Variants in DIAPH2 observed in about 807,000 individuals in gnomAD.
DIAPH2 encodes diaphanous related formin 2.
In DIAPH2, 35 loss-of-function variants were observed where a neutral mutation model predicts 92.7. That is an observed-to-expected ratio of 0.38 (90% CI 0.29 to 0.50). DIAPH2 has a LOEUF of 0.50. Ranked by LOEUF, DIAPH2 falls within the 20% of genes least tolerant of loss-of-function variation. The probability of loss-of-function intolerance (pLI) is 0.94; values close to 1 mark genes in which losing one functional copy is unlikely to be tolerated. For synonymous variants in DIAPH2, 301 were observed against 280.4 expected (o/e 1.07, Z -0.73); for missense variants, 701 against 819.5 (o/e 0.86, Z 1.77).
intron 17 of DIAPH2, among the ~76,000 whole-genome samples, chrX:97,014,508 T>C (rs1038358299): frequency 2.8e-4 from 31 of 112,339 alleles, no homozygotes; most frequent in African/African-American, 9.7e-4. Flanking sequence ...TTTATCTGTT[T>C]TTCCTAATCC....
At chrX:96,802,532 TG>T (rs2064590682) in intron 4 of DIAPH2, among the ~76,000 whole-genome samples, 1 of 111,955 alleles carries the variant, frequency 8.9e-6, no homozygotes, top group Non-Finnish European at 1.9e-5. Context: ...GTTTTTGGTA[TG>T]AATGCCCTTG....
intron 26 of DIAPH2, among the ~76,000 whole-genome samples, chrX:97,567,798 C>T (rs774645790): frequency 5.4e-5 from 6 of 110,852 alleles, no homozygotes; most frequent in Admixed American, 9.7e-5. Flanking sequence ...TTTAAAAAGA[C>T]AAGTGTGTTG....
chrX:96,855,775 T>A (rs1180936847), intron 4 of DIAPH2, among the ~76,000 whole-genome samples: 1 of 110,750 alleles, frequency 9.0e-6, no homozygotes, highest in Non-Finnish European at 1.9e-5. Flanking sequence ...AAATTTTTTT[T>A]AATATGGACA....
intron 11 of DIAPH2, among the ~76,000 whole-genome samples, chrX:96,937,895 G>A (rs754403279): frequency 1.8e-5 from 2 of 111,572 alleles, no homozygotes; most frequent in African/African-American, 3.3e-5. Context: ...ACCTTCCGAC[G>A]GCAGCAATTT....
intron 22 of DIAPH2, among the ~76,000 whole-genome samples, chrX:97,232,821 A>G (rs780063303): frequency 8.9e-6 from 1 of 111,745 alleles, no homozygotes; most frequent in Admixed American, 9.5e-5. Flanking sequence ...TTTCCCCACA[A>G]CAGCAATTCC....
chrX:97,435,004 A>G (rs2070167424), intron 26 of DIAPH2, among the ~76,000 whole-genome samples: 1 of 111,538 alleles, frequency 9.0e-6, no homozygotes, highest in Non-Finnish European at 1.9e-5. Flanking sequence ...ACAAGGAGCA[A>G]TTGGGCAGGT....
chrX:97,427,675 T>TTTTTGTTTTTG (rs1158857127), intron 25 of DIAPH2, among the ~76,000 whole-genome samples: 2 of 108,301 alleles, frequency 1.8e-5, no homozygotes, highest in Admixed American at 1.0e-4. Context: ...TTTGTTTTTG[T>TTTTTGTTTTTG]TTTTGTTTTT....
intron 26 of DIAPH2, among the ~76,000 whole-genome samples, chrX:97,500,580 C>G (rs2070788095): frequency 9.2e-6 from 1 of 109,085 alleles, no homozygotes; most frequent in Admixed American, 9.9e-5. Context: ...TTTACATAGC[C>G]TAAGAATGAG....
Position 96,718,304 on chromosome X carries a change from A to T in DIAPH2, c.133-17454A>T, listed in dbSNP as rs1172313635. ...TTGTTCTTTTTTATGGCTGGATAGT[A>T]CTCCATTGTATATATGTACCACATT... On this transcript the variant is annotated intron_variant, in intron 1 of 26. Coordinates refer to ENST00000324765, the MANE Select transcript of DIAPH2 (RefSeq NM_006729.5). 8.6e-4 allele frequency among the ~76,000 whole-genome samples: 41 copies of T among 47,658 alleles called. 1 individual carries two copies. The highest frequency in any genetic ancestry group is 6.3e-3 in the Admixed American group (23 of 3,678). The allele number at this position is 47,658 out of a possible 115,157, so 41.4% of individuals were successfully genotyped here.
chrX:97,072,944 A>G lies in DIAPH2; in HGVS notation c.2054A>G (p.Gln685Arg), dbSNP rs746390543. Reference protein sequence around the residue: ...ALNFATQIKVQKNAEALEEKK... With the variant: ...ALNFATQIKVRKNAEALEEKK... ...GAATCAACATTTTTTCTTTCAGTTCAAAAGAACGCAGAAGCATTAGAAGAA... is the reference window on the plus strand; with the variant it reads ...GAATCAACATTTTTTCTTTCAGTTCGAAAGAACGCAGAAGCATTAGAAGAA... Residue 685 changes from glutamine to arginine, a missense_variant, in exon 18 of 27, where the codon CAA becomes CGA. Coordinates refer to ENST00000324765, the MANE Select transcript of DIAPH2 (RefSeq NM_006729.5). The G allele has an allele frequency of 1.7e-6, 2 of 1,185,125 alleles. No individual in the cohort carries two copies. The highest frequency in any genetic ancestry group is 2.5e-5 in the Admixed American group (1 of 39,660).
chrX:97,140,063 A>G (rs1410462051), intron 21 of DIAPH2, among the ~76,000 whole-genome samples: 1 of 111,162 alleles, frequency 9.0e-6, no homozygotes, highest in African/African-American at 3.3e-5. Context: ...TTATGTTATG[A>G]CTCCAAAGAG....
At chrX:97,363,341 A>G (rs1214748723) in intron 24 of DIAPH2, among the ~76,000 whole-genome samples, 1 of 111,354 alleles carries the variant, frequency 9.0e-6, no homozygotes, top group Non-Finnish European at 1.9e-5. Flanking sequence ...AAAACAAAGC[A>G]AAACAGTATT....
intron 26 of DIAPH2, among the ~76,000 whole-genome samples, chrX:97,504,005 G>T (rs763004661): frequency 9.0e-6 from 1 of 111,685 alleles, no homozygotes; most frequent in Non-Finnish European, 1.9e-5. Flanking sequence ...TAGTTGCAAC[G>T]TAGTGATGAG....
At chrX:96,809,654 C>T (rs908365799) in intron 4 of DIAPH2, among the ~76,000 whole-genome samples, 2 of 110,922 alleles carry the variant, frequency 1.8e-5, no homozygotes, top group Admixed American at 9.6e-5. Flanking sequence ...TCTCCTAATG[C>T]TATAGCTCCC....
intron 22 of DIAPH2, among the ~76,000 whole-genome samples, chrX:97,145,325 G>GTAGTA (rs1569312319): frequency 8.1e-3 from 110 of 13,555 alleles, no homozygotes; most frequent in Non-Finnish European, 0.01. Context: ...TAGTAGTAGT[G>GTAGTA]GTAGTAGTAG....
At chrX:96,815,115 G>A (rs369847793) in intron 4 of DIAPH2, among the ~76,000 whole-genome samples, 4 of 112,332 alleles carry the variant, frequency 3.6e-5, no homozygotes, top group African/African-American at 1.3e-4. Context: ...GCTGCCTTTT[G>A]TTCAGCTATG....
At chrX:97,292,344 T>G (rs980771163) in intron 23 of DIAPH2, among the ~76,000 whole-genome samples, 4 of 111,514 alleles carry the variant, frequency 3.6e-5, no homozygotes, top group Non-Finnish European at 7.5e-5. Flanking sequence ...TTAGTAGATT[T>G]TATTAAATTG....
chrX:97,250,391 T>C (rs749700031), intron 23 of DIAPH2, among the ~76,000 whole-genome samples: 1 of 112,120 alleles, frequency 8.9e-6, no homozygotes, highest in Non-Finnish European at 1.9e-5. Flanking sequence ...TTAGCAGCAA[T>C]GGCATGATGG....
At chrX:96,836,620 A>T (rs2064888443) in intron 4 of DIAPH2, among the ~76,000 whole-genome samples, 2 of 92,819 alleles carry the variant, frequency 2.2e-5, no homozygotes, top group Admixed American at 1.2e-4. Flanking sequence ...ATTTTGCATG[A>T]TGGCTCTATT....
Sources: allele counts gnomAD v4.1 joint callset (sites outside exome capture counted in the v4.1 genomes callset), GRCh38; gene constraint gnomAD v4.1.1; transcripts MANE v1.5; gene names NCBI Gene and HGNC (gene_info 2026-07-23, HGNC 2026-07-21).